OR5H1: variants seen among roughly 807,000 people sequenced by gnomAD.
The protein encoded by OR5H1 is olfactory receptor 5H1.
For missense variants in OR5H1, 378 were observed against 366.8 expected, an observed-to-expected ratio of 1.03 and a Z score of -0.25; for synonymous variants, 124 against 134.4, an observed-to-expected ratio of 0.92 and a Z score of 0.54.
rs1456517519 is a variant in OR5H1, at chr3:98,133,045, A to C, written c.348A>C (p.Ala116=). Residue 116 remains alanine, a synonymous_variant, in exon 2 of 2, where the codon GCA becomes GCC. Transcript: ENST00000641874. Reference sequence around the variant, plus strand: ...TAACCACGGAATGTTTTCTCTTGGCAACGATGGCATATGATCGCTATGTAG... The same window carrying C: ...TAACCACGGAATGTTTTCTCTTGGCCACGATGGCATATGATCGCTATGTAG... ...ISVTTECFLL[A]TMAYDRYVAI... 6.2e-7 allele frequency: 1 copy of C among 1,613,480 alleles called. No homozygotes were observed. Among genetic ancestry groups the C allele is most frequent in the African/African-American group, 1.3e-5 (1 of 74,828 alleles).
Position 98,131,042 on chromosome 3 carries a change from A to T in OR5H1, c.-19+192A>T, listed in dbSNP as rs182774714. ...ATATGGATAAAGAGTTATAAGACTGAATTTTTCCTTTAATATTTTGCTATT... is the reference window on the plus strand; with the variant it reads ...ATATGGATAAAGAGTTATAAGACTGTATTTTTCCTTTAATATTTTGCTATT... On this transcript the variant is annotated intron_variant, in intron 1 of 1. Coordinates refer to ENST00000641874, the MANE Select transcript of OR5H1 (RefSeq NM_001005338.2). Among the ~76,000 whole-genome samples the T allele has an allele frequency of 1.4e-3, 213 of 152,152 alleles. 3 individuals carry two copies. Among genetic ancestry groups the T allele is most frequent in the Non-Finnish European group, 1.0e-3 (68 of 67,958 alleles).
chr3:98,133,662 A>C lies in OR5H1; in HGVS notation c.*23A>C, dbSNP rs748539535. 9.0e-6 allele frequency: 14 copies of C among 1,557,944 alleles called. No individual in the cohort carries two copies. In the South Asian group the frequency reaches 1.4e-4, roughly 16 times the overall value. ...TAATATCCTTTCTCTAATTACAAAAATAGTCACAAAATTATGCAAGTTAGA... is the reference window on the plus strand; with the variant it reads ...TAATATCCTTTCTCTAATTACAAAACTAGTCACAAAATTATGCAAGTTAGA... On this transcript the variant is annotated 3_prime_UTR_variant, in exon 2 of 2. Transcript: ENST00000641874.
rs1177750446 is a variant in OR5H1, at chr3:98,136,078, G to A, written c.*2439G>A. Reference sequence around the variant, plus strand: ...TCAGGAATAGGACAGTTTCTAAGTAGATAATAAAACATCAAAGACAATGGA... The same window carrying A: ...TCAGGAATAGGACAGTTTCTAAGTAAATAATAAAACATCAAAGACAATGGA... On this transcript the variant is annotated 3_prime_UTR_variant, in exon 2 of 2. Transcript: ENST00000641874. The A allele has an allele frequency of 6.6e-6, 1 of 152,136 alleles. No homozygotes were observed. Among genetic ancestry groups the A allele is most frequent in the Non-Finnish European group, 1.5e-5 (1 of 68,014 alleles). The allele number at this position is 152,136 out of a possible 1,614,324, so 9.4% of individuals were successfully genotyped here.
rs538849355 is a variant in OR5H1, at chr3:98,134,445, T to C, written c.*806T>C. ...AGAAAGAAAGTGGTCTTAATGTTTTTATGATGAAGCTACCAAGATGTGTAA... is the reference window on the plus strand; with the variant it reads ...AGAAAGAAAGTGGTCTTAATGTTTTCATGATGAAGCTACCAAGATGTGTAA... On this transcript the variant is annotated 3_prime_UTR_variant, in exon 2 of 2. Transcript: ENST00000641874. 1.3e-5 allele frequency: 2 copies of C among 152,116 alleles called. No individual in the cohort carries two copies. Among genetic ancestry groups the C allele is most frequent in the African/African-American group, 4.8e-5 (2 of 41,442 alleles). 9.4% of individuals were successfully genotyped at this position (152,116 alleles called of 1,614,324 possible).
At position 98,134,155 on chromosome 3, in the gene OR5H1, G is replaced by T. The variant is rs1448338907; in HGVS notation, c.*516G>T. On this transcript the variant is annotated 3_prime_UTR_variant, in exon 2 of 2. Transcript: ENST00000641874. ...TCAACTCGCAGGTCAGACAGAAATGGAAATGCAATGAGAAAAATAAAAATA... is the reference window on the plus strand; with the variant it reads ...TCAACTCGCAGGTCAGACAGAAATGTAAATGCAATGAGAAAAATAAAAATA... The T allele has an allele frequency of 1.3e-5, 2 of 157,536 alleles. No individual in the cohort carries two copies. The highest frequency in any genetic ancestry group is 4.8e-5 in the African/African-American group (2 of 41,418). The allele number at this position is 157,536 out of a possible 1,614,324, so 9.8% of individuals were successfully genotyped here.
intron 1 of OR5H1, 54 bp from the exon 2 acceptor site, chr3:98,132,626 C>T (rs1708268164): frequency 6.4e-7 from 1 of 1,571,674 alleles, no homozygotes; most frequent in Non-Finnish European, 8.6e-7. Context: ...TCCCCAATTT[C>T]AACTGATAAT....
rs1467696775 is a variant in OR5H1 at position 98,137,035 on chromosome 3, A to T, written c.*3396A>T. On this transcript the variant is annotated 3_prime_UTR_variant, in exon 2 of 2. Coordinates refer to ENST00000641874, the MANE Select transcript of OR5H1 (RefSeq NM_001005338.2). Reference sequence around the variant, plus strand: ...CTTAGTTTCTTAAAATTCTCCAGTCATATCTAATTTTATGCACATTCTCCA... The same window carrying T: ...CTTAGTTTCTTAAAATTCTCCAGTCTTATCTAATTTTATGCACATTCTCCA... 1 of 152,304 alleles carries T rather than the reference A, an allele frequency of 6.6e-6. No homozygotes were observed. 9.4% of individuals were successfully genotyped at this position (152,304 alleles called of 1,614,324 possible).
chr3:98,135,199 G>C lies in OR5H1; in HGVS notation c.*1560G>C, dbSNP rs1031043094. On this transcript the variant is annotated 3_prime_UTR_variant, in exon 2 of 2. Coordinates refer to ENST00000641874, the MANE Select transcript of OR5H1 (RefSeq NM_001005338.2). ...ATAAAGGCTTTTACAGGGCAAATGT[G>C]AAAGTATGGCAAAAGTAAAGATTGT... 1.3e-5 allele frequency: 2 copies of C among 152,102 alleles called. No individual in the cohort carries two copies. The highest frequency in any genetic ancestry group is 2.4e-5 in the African/African-American group (1 of 41,452). 9.4% of individuals were successfully genotyped at this position (152,102 alleles called of 1,614,324 possible).
rs1708284159 is a variant in OR5H1 at position 98,133,517 on chromosome 3, G to A, written c.820G>A (p.Glu274Lys). Residue 274 changes from glutamate (E) to lysine (K), a missense_variant, in exon 2 of 2, where the codon GAG becomes AAG. Glu to Lys is a moderately conservative substitution (Grantham distance 56, BLOSUM62 1). Transcript: ENST00000641874. Reference protein sequence around the residue: ...SPQADDQDMVEPLFYTVIIPL... With the variant: ...SPQADDQDMVKPLFYTVIIPL... ...GCAAGCAGATGATCAAGATATGGTG[G>A]AGCCTCTATTCTACACTGTCATCAT... 1 of 1,613,304 alleles carries A rather than the reference G, an allele frequency of 6.2e-7. No individual in the cohort carries two copies. The highest frequency in any genetic ancestry group is 1.1e-5 in the South Asian group (1 of 91,062).
At chr3:98,131,096 T>A (rs1210641887) in intron 1 of OR5H1, among the ~76,000 whole-genome samples, 1 of 152,078 alleles carries the variant, frequency 6.6e-6, no homozygotes, top group Non-Finnish European at 1.5e-5. Flanking sequence ...TGAGTTTATA[T>A]AAATTAGGGC....
At position 98,133,164 on chromosome 3, in the gene OR5H1, C is replaced by T; in HGVS notation, c.467C>T (p.Ala156Val). ...ILSYVGGILH[A>V]LIHEGFLFRL... ...TCATATGTAGGTGGTATTCTTCATG[C>T]TTTAATCCATGAAGGATTTTTATTC... Residue 156 changes from alanine to valine, a missense_variant, in exon 2 of 2, where the codon GCT becomes GTT. Transcript: ENST00000641874. The T allele has an allele frequency of 6.2e-7, 1 of 1,613,042 alleles. No individual in the cohort carries two copies. Among genetic ancestry groups the T allele is most frequent in the Non-Finnish European group, 8.5e-7 (1 of 1,179,586 alleles).
At position 98,135,479 on chromosome 3, in the gene OR5H1, C is replaced by T. The variant is rs1394904657; in HGVS notation, c.*1840C>T. ...ATTGACTAAAACTCAGGCATACTTG[C>T]ACTCTCTGTGGCCAGCACAGCTGGT... On this transcript the variant is annotated 3_prime_UTR_variant, in exon 2 of 2. Transcript: ENST00000641874. 13 of 152,166 alleles carry T rather than the reference C, an allele frequency of 8.5e-5. No individual in the cohort carries two copies. The highest frequency in any genetic ancestry group is 4.4e-5 in the Non-Finnish European group (3 of 68,024). The allele number at this position is 152,166 out of a possible 1,614,324, so 9.4% of individuals were successfully genotyped here.
At position 98,133,011 on chromosome 3, in the gene OR5H1, C is replaced by T. The variant is rs150989884; in HGVS notation, c.314C>T (p.Ala105Val). The T allele has an allele frequency of 6.2e-7, 1 of 1,613,512 alleles. No individual in the cohort carries two copies. The highest frequency in any genetic ancestry group is 1.1e-5 in the South Asian group (1 of 91,058). ...TGCAAGATACAGTTTTTTTCGTTTG[C>T]AATCAGTGTAACCACGGAATGTTTT... ...SECKIQFFSF[A>V]ISVTTECFLL... The change falls in exon 2 of 2, where the codon GCA (alanine) becomes GTA (valine). Residue 105 changes from alanine (A) to valine (V), a missense_variant. Ala to Val is a moderately conservative substitution (Grantham distance 64). Coordinates refer to ENST00000641874, the MANE Select transcript of OR5H1 (RefSeq NM_001005338.2).
At position 98,134,672 on chromosome 3, in the gene OR5H1, T is replaced by C. The variant is rs1468724922; in HGVS notation, c.*1033T>C. 6.6e-6 allele frequency: 1 copy of C among 152,132 alleles called. No individual in the cohort carries two copies. Among genetic ancestry groups the C allele is most frequent in the Non-Finnish European group, 1.5e-5 (1 of 67,994 alleles). The allele number at this position is 152,132 out of a possible 1,614,324, so 9.4% of individuals were successfully genotyped here. On this transcript the variant is annotated 3_prime_UTR_variant, in exon 2 of 2. Coordinates refer to ENST00000641874, the MANE Select transcript of OR5H1 (RefSeq NM_001005338.2). ...TGATTGTTAACCTTCTTAACACTTC[T>C]TGTACTTCAAGTATGTTAATCATCT...
At position 98,133,265 on chromosome 3, in the gene OR5H1, A is replaced by G. The variant is rs899978197; in HGVS notation, c.568A>G (p.Thr190Ala). Residue 190 changes from threonine (T) to alanine (A), a missense_variant, in exon 2 of 2, where the codon ACT becomes GCT. Physicochemically the swap from Thr to Ala is moderately conservative, Grantham distance 58. Transcript: ENST00000641874. ...TATCCCATTGTCTAAGATTTCTTGT[A>G]CTGATTCTTCTATTAATTTTCTAAT... is the stretch of plus-strand genomic sequence containing the variant. ...DTIPLSKISC[T>A]DSSINFLMVF... 2.5e-6 allele frequency: 4 copies of G among 1,611,148 alleles called. No homozygotes were observed. Among genetic ancestry groups the G allele is most frequent in the Non-Finnish European group, 3.4e-6 (4 of 1,177,982 alleles).
Position 98,133,657 on chromosome 3 carries a change from C to T in OR5H1, c.*18C>T, listed in dbSNP as rs769126214. On this transcript the variant is annotated 3_prime_UTR_variant, in exon 2 of 2. Coordinates refer to ENST00000641874, the MANE Select transcript of OR5H1 (RefSeq NM_001005338.2). ...CATACTAATATCCTTTCTCTAATTA[C>T]AAAAATAGTCACAAAATTATGCAAG... is the stretch of plus-strand genomic sequence containing the variant. 1 of 1,557,030 alleles carries T rather than the reference C, an allele frequency of 6.4e-7. No homozygotes were observed. Among genetic ancestry groups the T allele is most frequent in the African/African-American group, 1.4e-5 (1 of 72,882 alleles).
chr3:98,132,973 A>G lies in OR5H1; in HGVS notation c.276A>G (p.Ile92Met), dbSNP rs1708272933. The G allele has an allele frequency of 6.8e-6, 11 of 1,613,638 alleles. No homozygotes were observed. The East Asian group carries it at 2.2e-4, about 33-fold the overall frequency. The change falls in exon 2 of 2, where the codon ATA becomes ATG. Residue 92 changes from isoleucine (I) to methionine (M), a missense_variant. Ile to Met is a conservative substitution (Grantham distance 10). Transcript: ENST00000641874. ...ACTTCTTAGCTAAGAGTAAGATGATATCTCTCTCTGAATGCAAGATACAGT... is the reference window on the plus strand; with the variant it reads ...ACTTCTTAGCTAAGAGTAAGATGATGTCTCTCTCTGAATGCAAGATACAGT... ...LNNFLAKSKM[I>M]SLSECKIQFF...
In OR5H1 at chr3:98,132,889, G is replaced by T; in HGVS notation, c.192G>T (p.Gly64=). 6.2e-7 allele frequency: 1 copy of T among 1,613,436 alleles called. No homozygotes were observed. Among genetic ancestry groups the T allele is most frequent in the Non-Finnish European group, 8.5e-7 (1 of 1,179,558 alleles). Reference sequence around the variant, plus strand: ...ATATCCCAATGTACTTACTCCTTGGGAATTTAGCTTTTGTGGATGCTTGGA... The same window carrying T: ...ATATCCCAATGTACTTACTCCTTGGTAATTTAGCTTTTGTGGATGCTTGGA... ...HLHIPMYLLL[G]NLAFVDAWIS... Residue 64 remains glycine (G), a synonymous_variant, in exon 2 of 2, where the codon GGG becomes GGT. Transcript: ENST00000641874.
Position 98,133,541 on chromosome 3 carries a change from A to AT in OR5H1, c.846dup (p.Pro283SerfsTer13). On this transcript the variant is annotated frameshift_variant, in exon 2 of 2. Transcript: ENST00000641874. LOFTEE classifies it low-confidence loss of function (END_TRUNC). ...GGAGCCTCTATTCTACACTGTCATC[A>AT]TTCCTTTGTTAAATCCTATCATCTA... is the stretch of plus-strand genomic sequence containing the variant. The AT allele has an allele frequency of 6.2e-7, 1 of 1,613,410 alleles. No homozygotes were observed. The highest frequency in any genetic ancestry group is 1.1e-5 in the South Asian group (1 of 91,060).
Sources: gnomAD v4.1 joint callset for allele counts (sites outside exome capture counted in the v4.1 genomes callset) on GRCh38, gnomAD v4.1.1 for gene constraint, MANE v1.5 for transcripts, NCBI Gene and HGNC (gene_info 2026-07-23, HGNC 2026-07-21) for gene names.